The following CFDP1 variants were observed in gnomAD, a reference collection of about 807,000 sequenced individuals.
CFDP1 encodes chromatin remodeling protein CFDP1.
A neutral mutation model predicts 40.1 loss-of-function variants in CFDP1; 31 were observed. The observed-to-expected ratio is 0.77, with a 90% CI of 0.58 to 1.04. The LOEUF (loss-of-function observed/expected upper bound fraction) is 1.04. CFDP1 is among the 50% of genes least tolerant of loss of function. The probability of loss-of-function intolerance (pLI) is 0.00; values close to 1 mark genes in which losing one functional copy is unlikely to be tolerated. For synonymous variants in CFDP1, 167 were observed against 120.0 expected, an observed-to-expected ratio of 1.39 and a Z score of -2.56; for missense variants, 423 against 343.4, an observed-to-expected ratio of 1.23 and a Z score of -1.83.
chr16:75,353,991 T>C (rs544210744), intron 5 of CFDP1, among the ~76,000 whole-genome samples: 1 of 152,302 alleles, frequency 6.6e-6, no homozygotes, highest in Admixed American at 6.5e-5. Flanking sequence ...TTTTTGCCTT[T>C]ATCATGGTGT....
At chr16:75,309,834 A>AAAC (rs1367725028) in intron 5 of CFDP1, among the ~76,000 whole-genome samples, 10 of 150,778 alleles carry the variant, frequency 6.6e-5, no homozygotes, top group Non-Finnish European at 1.5e-4. Flanking sequence ...AAAAAAAAAA[A>AAAC]AAAAAAAAAA....
intron 1 of CFDP1, among the ~76,000 whole-genome samples, chr16:75,422,603 C>G (rs535510967): frequency 6.6e-6 from 1 of 151,298 alleles, no homozygotes; most frequent in East Asian, 2.0e-4. Context: ...CCATGTTCGT[C>G]AGACTAGTCT....
rs964695479 is a variant in CFDP1, at chr16:75,344,993, G to A, written c.651-39811C>T. Among the ~76,000 whole-genome samples, 8 of 151,894 alleles carry A rather than the reference G, an allele frequency of 5.3e-5. No homozygotes were observed. In the East Asian group the frequency reaches 5.8e-4, roughly 11 times the overall value. On this transcript the variant is annotated intron_variant, in intron 5 of 6. Transcript: ENST00000283882. ...ATTTTCAGGCTGGGTAAAGTGGCTC[G>A]TGTCTGTAATCACAGCACCTTGAGA...
At chr16:75,334,126 T>A (rs928530957) in intron 5 of CFDP1, among the ~76,000 whole-genome samples, 2 of 151,990 alleles carry the variant, frequency 1.3e-5, no homozygotes, top group Non-Finnish European at 2.9e-5. Context: ...CTCAAGATCA[T>A]CTTCAAGGGC....
chr16:75,347,306 T>A (rs2078574168), intron 5 of CFDP1, among the ~76,000 whole-genome samples: 1 of 125,380 alleles, frequency 8.0e-6, no homozygotes, highest in African/African-American at 3.1e-5. Flanking sequence ...ATCGGACCAT[T>A]GCACTCCAGC....
In CFDP1 at chr16:75,297,166, CTGTGTGTGTG is replaced by C. The variant is rs71158597; in HGVS notation, c.810-3134_810-3125del. ...ATTTCTTGTGTGTGTGTGTGTGTGT[CTGTGTGTGTG>C]TGTGTGTGTGTGTGTGTGTTTTTAG... On this transcript the variant is annotated intron_variant, in intron 6 of 6. Transcript: ENST00000283882. 3.0e-3 allele frequency among the ~76,000 whole-genome samples: 431 copies of C among 143,458 alleles called. 2 individuals carry two copies. The highest frequency in any genetic ancestry group is 0.01 in the African/African-American group (388 of 38,656). The allele number at this position is 143,458 out of a possible 152,430, so 94.1% of individuals were successfully genotyped here.
At chr16:75,369,122 A>T (rs2078735125) in intron 5 of CFDP1, among the ~76,000 whole-genome samples, 1 of 152,214 alleles carries the variant, frequency 6.6e-6, no homozygotes, top group South Asian at 2.1e-4. Flanking sequence ...AATATGTGTA[A>T]ATGAGTTGCT....
At chr16:75,378,715 T>TA (rs1392154124) in intron 5 of CFDP1, among the ~76,000 whole-genome samples, 4 of 152,228 alleles carry the variant, frequency 2.6e-5, no homozygotes, top group East Asian at 1.9e-4. Flanking sequence ...GGGTAGTAGT[T>TA]AGAGTTTAGT....
At chr16:75,419,084 A>T (rs1284449283) in intron 1 of CFDP1, 1 of 420,402 alleles carries the variant, frequency 2.4e-6, no homozygotes. Context: ...TGAAGGCTAC[A>T]GTAAGCAGGA....
At chr16:75,320,867 TC>T (rs1259794177) in intron 5 of CFDP1, among the ~76,000 whole-genome samples, 2 of 152,232 alleles carry the variant, frequency 1.3e-5, no homozygotes, top group Admixed American at 1.3e-4. Flanking sequence ...AGGAATAGTT[TC>T]CCTCTAAGAA....
At chr16:75,312,506 A>G (rs988675263) in intron 5 of CFDP1, among the ~76,000 whole-genome samples, 1 of 152,178 alleles carries the variant, frequency 6.6e-6, no homozygotes, top group African/African-American at 2.4e-5. Flanking sequence ...TTTATTCCTC[A>G]GTTCTATTGT....
intron 5 of CFDP1, among the ~76,000 whole-genome samples, chr16:75,342,456 AC>A (rs2078533464): frequency 6.6e-6 from 1 of 152,290 alleles, no homozygotes; most frequent in East Asian, 1.9e-4. Context: ...TTACCAGCTG[AC>A]TCATTAACAG....
chr16:75,399,380 G>C (rs773904976), intron 4 of CFDP1, among the ~76,000 whole-genome samples: 1 of 152,062 alleles, frequency 6.6e-6, no homozygotes, highest in Admixed American at 6.6e-5. Flanking sequence ...AGCTAATGAA[G>C]AACAAGTAGA....
intron 5 of CFDP1, among the ~76,000 whole-genome samples, chr16:75,329,598 T>C (rs1420873326): frequency 1.3e-5 from 2 of 152,154 alleles, no homozygotes; most frequent in African/African-American, 4.8e-5. Context: ...GCTCAAGCAA[T>C]CCTCCTGCCT....
intron 5 of CFDP1, among the ~76,000 whole-genome samples, chr16:75,328,626 A>T (rs2078422108): frequency 6.9e-6 from 1 of 145,072 alleles, no homozygotes; most frequent in African/African-American, 2.5e-5. Flanking sequence ...AAAAAAAACT[A>T]GAGTGGAGGA....
At chr16:75,390,710 G>A (rs115632174) in intron 5 of CFDP1, among the ~76,000 whole-genome samples, 2 of 152,274 alleles carry the variant, frequency 1.3e-5, no homozygotes, top group Non-Finnish European at 2.9e-5. Flanking sequence ...AACAGATCTG[G>A]GTATTTATTC....
intron 5 of CFDP1, among the ~76,000 whole-genome samples, chr16:75,344,486 C>T (rs1290421585): frequency 6.6e-6 from 1 of 152,132 alleles, no homozygotes; most frequent in Non-Finnish European, 1.5e-5. Flanking sequence ...TGAACAACCA[C>T]GTTATAGCTT....
intron 5 of CFDP1, among the ~76,000 whole-genome samples, chr16:75,334,626 C>T (rs183941994): frequency 5.9e-5 from 9 of 152,082 alleles, no homozygotes; most frequent in Middle Eastern, 3.4e-3. Flanking sequence ...ACAAGGCTTA[C>T]GAAGAAACCA....
intron 1 of CFDP1, among the ~76,000 whole-genome samples, chr16:75,425,125 C>A (rs1174252548): frequency 6.6e-6 from 1 of 151,842 alleles, no homozygotes; most frequent in African/African-American, 2.4e-5. Flanking sequence ...AATATAAGAT[C>A]GTTAAATTGT....
Sources: allele counts gnomAD v4.1 joint callset (sites outside exome capture counted in the v4.1 genomes callset), GRCh38; gene constraint gnomAD v4.1.1; transcripts MANE v1.5; gene names NCBI Gene and HGNC (gene_info 2026-07-23, HGNC 2026-07-21).